The following MYO5B variants were observed in gnomAD, a reference collection of about 807,000 sequenced individuals.
The protein encoded by MYO5B is myosin VB.
MYO5B carries 143 observed loss-of-function variants against 229.3 expected under a neutral mutation model. The observed-to-expected ratio is 0.62, with a 90% CI of 0.54 to 0.72. MYO5B has a LOEUF of 0.72. MYO5B is among the 30% of genes least tolerant of loss of function. The pLI is 0.00. For synonymous variants in MYO5B, 918 were observed against 885.2 expected (o/e 1.04, Z -0.66); for missense variants, 2,321 against 2,331.0 (o/e 1.00, Z 0.09).
rs769626838 is a variant in MYO5B at position 49,937,295 on chromosome 18, G to T, written c.1855C>A (p.Pro619Thr). Residue 619 changes from proline (P) to threonine (T), a missense_variant, in exon 15 of 40, where the codon CCC becomes ACC. Physicochemically the swap from Pro to Thr is conservative, Grantham distance 38. Coordinates refer to ENST00000285039, the MANE Select transcript of MYO5B (RefSeq NM_001080467.3). ...TCCTTGTTGGAGACTTTCATGGGGG[G>T]TCTGGCAGAACGGACGCTGATCTTC... ...SSKISVRSAR[P>T]PMKVSNKEHK... 9.9e-6 allele frequency: 16 copies of T among 1,614,036 alleles called. No individual in the cohort carries two copies. Among genetic ancestry groups the T allele is most frequent in the Middle Eastern group, 1.6e-4 (1 of 6,084 alleles).
rs142984667 is a variant in MYO5B, at chr18:50,142,355, C to T, written c.27+52412G>A. On this transcript the variant is annotated intron_variant, in intron 1 of 39. Coordinates refer to ENST00000285039, the MANE Select transcript of MYO5B (RefSeq NM_001080467.3). Reference sequence around the variant, plus strand: ...TCATATTTCCTTAATCAAACCGAATCCCATGGTCATGTCCAAGTTAAACTG... The same window carrying T: ...TCATATTTCCTTAATCAAACCGAATTCCATGGTCATGTCCAAGTTAAACTG... Among the ~76,000 whole-genome samples, 13 of 152,322 alleles carry T rather than the reference C, an allele frequency of 8.5e-5. No individual in the cohort carries two copies. The East Asian group carries it at 2.5e-3, about 29-fold the overall frequency.
intron 8 of MYO5B, 139 bp downstream of exon 8, chr18:49,984,579 T>G (rs1025973825): frequency 1.9e-5 from 14 of 724,832 alleles, no homozygotes; most frequent in Non-Finnish European, 3.5e-5. Context: ...GAGTAAGAGA[T>G]GACATTCACC....
chr18:50,152,662 C>T (rs2032617342), intron 1 of MYO5B, among the ~76,000 whole-genome samples: 1 of 152,126 alleles, frequency 6.6e-6, no homozygotes, highest in Admixed American at 6.5e-5. Flanking sequence ...CACTAACATG[C>T]AGGCCCAACT....
At chr18:49,835,080 T>C (rs17726969) in intron 39 of MYO5B, among the ~76,000 whole-genome samples, 2,455 of 152,338 alleles carry the variant, frequency 0.016, 28 homozygotes, top group South Asian at 0.046. Context: ...AACATGCTAG[T>C]GGCAAATGAC....
chr18:50,117,088 C>T (rs916071233), intron 1 of MYO5B, among the ~76,000 whole-genome samples: 5 of 152,092 alleles, frequency 3.3e-5, no homozygotes, highest in African/African-American at 7.2e-5. Flanking sequence ...GAATATTCAT[C>T]TATATTTGGT....
intron 1 of MYO5B, among the ~76,000 whole-genome samples, chr18:50,066,255 A>T (rs2030817258): frequency 6.6e-6 from 1 of 152,234 alleles, no homozygotes; most frequent in Non-Finnish European, 1.5e-5. Context: ...ATGAGCACTA[A>T]CAATGATACG....
chr18:49,918,703 A>G (rs553461431), intron 17 of MYO5B, among the ~76,000 whole-genome samples: 1 of 152,346 alleles, frequency 6.6e-6, no homozygotes, highest in East Asian at 1.9e-4. Flanking sequence ...TTGTTTGGCC[A>G]TGCTGTGAGG....
chr18:50,090,203 C>G (rs533635726), intron 1 of MYO5B, among the ~76,000 whole-genome samples: 1 of 152,168 alleles, frequency 6.6e-6, no homozygotes, highest in African/African-American at 2.4e-5. Flanking sequence ...TGGTGTTCCT[C>G]CACTCCAGGA....
intron 26 of MYO5B, among the ~76,000 whole-genome samples, chr18:49,873,452 G>C (rs2024479582): frequency 6.6e-6 from 1 of 152,010 alleles, no homozygotes; most frequent in Non-Finnish European, 1.5e-5. Flanking sequence ...ACTCCTCCCA[G>C]CTGAAGGATG....
intron 27 of MYO5B, among the ~76,000 whole-genome samples, chr18:49,864,859 G>A (rs909000412): frequency 9.2e-5 from 14 of 152,106 alleles, no homozygotes; most frequent in Non-Finnish European, 1.2e-4. Context: ...TTTTTGTCCC[G>A]GACTAATTAG....
At chr18:49,977,982 C>T (rs1421572733) in intron 9 of MYO5B, among the ~76,000 whole-genome samples, 1 of 152,198 alleles carries the variant, frequency 6.6e-6, no homozygotes, top group Non-Finnish European at 1.5e-5. Context: ...GAACCTTGGC[C>T]ATCTCGACTT....
At position 50,148,338 on chromosome 18, in the gene MYO5B, G is replaced by A. The variant is rs1341091909; in HGVS notation, c.27+46429C>T. 2.0e-5 allele frequency among the ~76,000 whole-genome samples: 3 copies of A among 151,128 alleles called. No homozygotes were observed. In the East Asian group the frequency reaches 5.9e-4, roughly 30 times the overall value. Reference sequence around the variant, plus strand: ...AATCCTCCCTAACTCATTTTATGAGGCCAGCATCATCCTGATACCAAAGCC... The same window carrying A: ...AATCCTCCCTAACTCATTTTATGAGACCAGCATCATCCTGATACCAAAGCC... On this transcript the variant is annotated intron_variant, in intron 1 of 39. Transcript: ENST00000285039.
intron 1 of MYO5B, among the ~76,000 whole-genome samples, chr18:50,133,582 CTCCGTCCG>C (rs558370589): frequency 8.5e-5 from 13 of 152,178 alleles, no homozygotes; most frequent in African/African-American, 3.1e-4. Flanking sequence ...CCCTCCATCC[CTCCGTCCG>C]TCCGTCTGTC....
intron 1 of MYO5B, among the ~76,000 whole-genome samples, chr18:50,190,593 T>C (rs1054021315): frequency 6.2e-5 from 9 of 145,896 alleles, no homozygotes; most frequent in Non-Finnish European, 1.0e-4. Flanking sequence ...AGTGTCTCTG[T>C]TCAAAGAGAA....
chr18:49,995,800 A>T (rs1054897222), intron 5 of MYO5B, among the ~76,000 whole-genome samples: 1 of 152,206 alleles, frequency 6.6e-6, no homozygotes, highest in Non-Finnish European at 1.5e-5. Context: ...GGCATAATCA[A>T]CTGCTGGCTC....
intron 1 of MYO5B, among the ~76,000 whole-genome samples, chr18:50,152,864 T>TAAAA (rs67858852): frequency 3.2e-5 from 4 of 125,430 alleles, no homozygotes; most frequent in Non-Finnish European, 5.0e-5. Context: ...TTCTCAAAAC[T>TAAAA]AAAAAAAAAA....
At chr18:49,833,195 A>T (rs559578635) in intron 39 of MYO5B, among the ~76,000 whole-genome samples, 32 of 152,344 alleles carry the variant, frequency 2.1e-4, no homozygotes, top group Admixed American at 2.1e-3. Flanking sequence ...TAATCAATTA[A>T]AGTATATAAG....
intron 1 of MYO5B, among the ~76,000 whole-genome samples, chr18:50,080,553 G>A (rs960311853): frequency 6.6e-6 from 1 of 152,176 alleles, no homozygotes; most frequent in African/African-American, 2.4e-5. Flanking sequence ...TTTGGCAAGA[G>A]GCCACATGCC....
chr18:49,930,655 G>T (rs1371690299), intron 16 of MYO5B, among the ~76,000 whole-genome samples: 1 of 152,164 alleles, frequency 6.6e-6, no homozygotes, highest in Admixed American at 6.5e-5. Flanking sequence ...TACTTTGGGA[G>T]GCCGAGGTGG....
Sources: allele counts gnomAD v4.1 joint callset (sites outside exome capture counted in the v4.1 genomes callset), GRCh38; gene constraint gnomAD v4.1.1; transcripts MANE v1.5; gene names NCBI Gene and HGNC (gene_info 2026-07-23, HGNC 2026-07-21).